Variants in ARHGAP42 observed in about 807,000 individuals in gnomAD.
ARHGAP42 encodes Rho GTPase activating protein 42, also known as rho GTPase-activating protein 42.
ARHGAP42 carries 63 observed loss-of-function variants against 125.0 expected under a neutral mutation model. The ratio of observed to expected loss-of-function variants is 0.50; its 90% CI spans 0.41 to 0.62. The LOEUF is 0.62. ARHGAP42 is among the 20% of genes least tolerant of loss of function. The pLI is 0.00. For synonymous variants in ARHGAP42, 339 were observed against 351.0 expected, an observed-to-expected ratio of 0.97 and a Z score of 0.38; for missense variants, 766 against 1,024.2, an observed-to-expected ratio of 0.75 and a Z score of 3.44.
Position 100,760,657 on chromosome 11 carries a change from C to T in ARHGAP42, c.155-9686C>T, listed in dbSNP as rs191254451. On this transcript the variant is annotated intron_variant, in intron 1 of 23. Coordinates refer to ENST00000298815, the MANE Select transcript of ARHGAP42 (RefSeq NM_152432.4). ...CGGAGGTTGCAGTGAGCCGAGATTG[C>T]GCCACTGCACCCCAGCCCAGGTGAC... is the stretch of plus-strand genomic sequence containing the variant. Among the ~76,000 whole-genome samples the T allele has an allele frequency of 5.0e-4, 76 of 151,768 alleles. 1 individual carries two copies. The highest frequency in any genetic ancestry group is 1.7e-3 in the African/African-American group (71 of 41,358).
chr11:100,858,676 A>G (rs1331080671), intron 3 of ARHGAP42, among the ~76,000 whole-genome samples: 3 of 152,158 alleles, frequency 2.0e-5, no homozygotes, highest in Non-Finnish European at 2.9e-5. Context: ...GTAGGATAAT[A>G]TATTTTAAAA....
At chr11:100,924,877 G>C (rs1045651362) in intron 6 of ARHGAP42, among the ~76,000 whole-genome samples, 1 of 151,980 alleles carries the variant, frequency 6.6e-6, no homozygotes. Flanking sequence ...GCCCAGGCTG[G>C]AGTGCAGTGG....
chr11:100,900,616 C>A (rs1866518325), intron 4 of ARHGAP42, among the ~76,000 whole-genome samples: 1 of 152,060 alleles, frequency 6.6e-6, no homozygotes. Flanking sequence ...TCTTTTCATT[C>A]TTTTTTCCCT....
chr11:100,852,374 C>G lies in ARHGAP42; in HGVS notation c.313-7180C>G, dbSNP rs1865224960. The stretch of plus-strand genomic sequence containing the variant: ...TGCATTTTATTTGCTTTTAAACTTG[C>G]AAAGGCTATCAGAAGTTTGCTTAAA... On this transcript the variant is annotated intron_variant, in intron 3 of 23. Coordinates refer to ENST00000298815, the MANE Select transcript of ARHGAP42 (RefSeq NM_152432.4). 4.6e-5 allele frequency among the ~76,000 whole-genome samples: 7 copies of G among 152,086 alleles called. No individual in the cohort carries two copies. The South Asian group carries it at 1.4e-3, about 32-fold the overall frequency.
intron 3 of ARHGAP42, among the ~76,000 whole-genome samples, chr11:100,815,593 T>A (rs1864249649): frequency 2.0e-5 from 3 of 152,222 alleles, no homozygotes; most frequent in Admixed American, 1.3e-4. Context: ...ATGAGTCCAA[T>A]TAGAGAATAC....
At chr11:100,749,401 C>T (rs542251757) in intron 1 of ARHGAP42, among the ~76,000 whole-genome samples, 48 of 150,294 alleles carry the variant, frequency 3.2e-4, no homozygotes, top group African/African-American at 1.1e-3. Flanking sequence ...TGGCCTGTCC[C>T]GGAAGACTAA....
At chr11:100,833,052 T>C (rs1336906513) in intron 3 of ARHGAP42, among the ~76,000 whole-genome samples, 3 of 152,228 alleles carry the variant, frequency 2.0e-5, no homozygotes, top group African/African-American at 7.2e-5. Flanking sequence ...CTCTGCATTT[T>C]TTCATATTGC....
At chr11:100,918,549 C>T (rs1298053092) in intron 5 of ARHGAP42, among the ~76,000 whole-genome samples, 2 of 152,140 alleles carry the variant, frequency 1.3e-5, no homozygotes, top group African/African-American at 4.8e-5. Flanking sequence ...TAGTGTTACT[C>T]TACTTATCCA....
chr11:100,962,014 C>T (rs1857967680), intron 15 of ARHGAP42, among the ~76,000 whole-genome samples: 1 of 151,938 alleles, frequency 6.6e-6, no homozygotes. Flanking sequence ...ATTTGTTGTC[C>T]CATATGTATA....
At position 100,802,569 on chromosome 11, in the gene ARHGAP42, C is replaced by T. The variant is rs987170746; in HGVS notation, c.312+7403C>T. Among the ~76,000 whole-genome samples, 38 of 152,040 alleles carry T rather than the reference C, an allele frequency of 2.5e-4. 1 individual carries two copies. Among genetic ancestry groups the T allele is most frequent in the East Asian group, 7.8e-4 (4 of 5,148 alleles). The stretch of plus-strand genomic sequence containing the variant: ...CCTCCTGAGTAGCTAGGACTACAGG[C>T]GCACGCCACTACACCTGGCTAATTT... On this transcript the variant is annotated intron_variant, in intron 3 of 23. Coordinates refer to ENST00000298815, the MANE Select transcript of ARHGAP42 (RefSeq NM_152432.4).
chr11:100,893,902 C>G (rs572756330), intron 4 of ARHGAP42, among the ~76,000 whole-genome samples: 1 of 152,046 alleles, frequency 6.6e-6, no homozygotes, highest in Non-Finnish European at 1.5e-5. Context: ...TTTTAAGTCT[C>G]AAAACTGCAA....
chr11:100,868,897 C>T (rs1008963815), intron 4 of ARHGAP42, among the ~76,000 whole-genome samples: 1 of 151,998 alleles, frequency 6.6e-6, no homozygotes, highest in African/African-American at 2.4e-5. Flanking sequence ...TAGTTTCTTC[C>T]ACATAGTAAG....
At position 100,710,451 on chromosome 11, in the gene ARHGAP42, G is replaced by C. The variant is rs56060370; in HGVS notation, c.154+22619G>C. Among the ~76,000 whole-genome samples the C allele has an allele frequency of 3.3e-3, 490 of 149,744 alleles. 4 individuals carry two copies. The highest frequency in any genetic ancestry group is 0.011 in the African/African-American group (466 of 40,548). ...GGGGTTTCACCATGTTGGTCAGGCT[G>C]GTCTTGAACTCCTGACCTTGTGATC... On this transcript the variant is annotated intron_variant, in intron 1 of 23. Transcript: ENST00000298815.
At chr11:100,860,320 T>C (rs1865416107) in intron 4 of ARHGAP42, among the ~76,000 whole-genome samples, 2 of 152,170 alleles carry the variant, frequency 1.3e-5, no homozygotes, top group Admixed American at 1.3e-4. Flanking sequence ...GAATTATTTC[T>C]ACTCCTTTCC....
intron 22 of ARHGAP42, 129 bp downstream of exon 22, chr11:100,979,178 C>T: frequency 1.2e-6 from 1 of 825,254 alleles, no homozygotes; most frequent in Non-Finnish European, 2.0e-6. Flanking sequence ...GTCCACTGGC[C>T]CTTCACAGGA....
At chr11:100,822,027 G>A (rs768863960) in intron 3 of ARHGAP42, among the ~76,000 whole-genome samples, 2 of 151,992 alleles carry the variant, frequency 1.3e-5, no homozygotes, top group African/African-American at 2.4e-5. Context: ...ATAAATGTAC[G>A]GGTAAAATAT....
At chr11:100,752,581 C>G (rs1040922870) in intron 1 of ARHGAP42, among the ~76,000 whole-genome samples, 3 of 152,150 alleles carry the variant, frequency 2.0e-5, no homozygotes, top group Admixed American at 2.0e-4. Context: ...GTGAGTCTGC[C>G]GTAATTCAGG....
chr11:100,688,512 A>C (rs1166632128), intron 1 of ARHGAP42, among the ~76,000 whole-genome samples: 2 of 152,178 alleles, frequency 1.3e-5, no homozygotes, highest in African/African-American at 4.8e-5. Context: ...AAAGACTGTT[A>C]TAGTCTATAA....
intron 2 of ARHGAP42, among the ~76,000 whole-genome samples, chr11:100,786,966 T>G (rs1863450549): frequency 6.6e-6 from 1 of 152,054 alleles, no homozygotes; most frequent in Non-Finnish European, 1.5e-5. Context: ...GGAGTTCTCA[T>G]GAAGTCTGTT....
Sources: gnomAD v4.1 joint callset for allele counts (sites outside exome capture counted in the v4.1 genomes callset) on GRCh38, gnomAD v4.1.1 for gene constraint, MANE v1.5 for transcripts, NCBI Gene and HGNC (gene_info 2026-07-23, HGNC 2026-07-21) for gene names.